EXT2: variants seen among roughly 807,000 people sequenced by gnomAD.
EXT2 encodes the protein exostosin glycosyltransferase 2, also known as exostosin-2.
A neutral mutation model predicts 81.6 loss-of-function variants in EXT2; 53 were observed. The ratio of observed to expected loss-of-function variants is 0.65; its 90% confidence interval spans 0.52 to 0.82. The LOEUF (loss-of-function observed/expected upper bound fraction) is 0.82. EXT2 is among the 40% of genes least tolerant of loss of function. The pLI, the probability that EXT2 is intolerant of heterozygous loss-of-function variation, is 0.00. For missense variants in EXT2, 774 were observed against 910.2 expected (o/e 0.85, Z 1.93); for synonymous variants, 320 against 340.0 (o/e 0.94, Z 0.65).
At chr11:44,233,561 A>G (rs138806431) in intron 11 of EXT2, among the ~76,000 whole-genome samples, 56 of 152,306 alleles carry the variant, frequency 3.7e-4, no homozygotes, top group African/African-American at 1.3e-3. Flanking sequence ...TAATTAAACA[A>G]TCATAACTTG....
chr11:44,221,246 C>T (rs1955778748), intron 10 of EXT2, among the ~76,000 whole-genome samples: 1 of 152,144 alleles, frequency 6.6e-6, no homozygotes, highest in African/African-American at 2.4e-5. Flanking sequence ...AAGAGCCCTG[C>T]AGACCTTTCC....
intron 8 of EXT2, among the ~76,000 whole-genome samples, chr11:44,183,802 G>A (rs117429156): frequency 0.034 from 5,209 of 152,170 alleles, 136 homozygotes; most frequent in Middle Eastern, 0.068. Context: ...CTGTCTGCCT[G>A]GCCTTCTTCA....
intron 6 of EXT2, among the ~76,000 whole-genome samples, chr11:44,127,907 G>T (rs1235760448): frequency 6.6e-6 from 1 of 152,194 alleles, no homozygotes; most frequent in South Asian, 2.1e-4. Context: ...ATTCTACTGG[G>T]TGTTCACCAT....
At chr11:44,225,426 A>C (rs1955828054) in intron 10 of EXT2, among the ~76,000 whole-genome samples, 1 of 152,160 alleles carries the variant, frequency 6.6e-6, no homozygotes, top group Non-Finnish European at 1.5e-5. Flanking sequence ...CCACATTCAC[A>C]AAGAGCCTGT....
At chr11:44,236,213 G>T (rs769096439) in intron 12 of EXT2, 80 bp from the exon 13 acceptor site, 4 of 1,223,362 alleles carry the variant, frequency 3.3e-6, no homozygotes, top group South Asian at 1.2e-5. Flanking sequence ...CAACACAAAA[G>T]AATGCAGTGT....
At chr11:44,161,642 A>G (rs1365267164) in intron 7 of EXT2, among the ~76,000 whole-genome samples, 3 of 152,158 alleles carry the variant, frequency 2.0e-5, no homozygotes, top group African/African-American at 7.2e-5. Flanking sequence ...CCCTTTCAGT[A>G]TGGACTGAAC....
chr11:44,119,308 T>G (rs1019287521), intron 4 of EXT2, among the ~76,000 whole-genome samples: 1 of 151,706 alleles, frequency 6.6e-6, no homozygotes, highest in African/African-American at 2.4e-5. Flanking sequence ...TACTAACGTC[T>G]GTGACTTATT....
intron 4 of EXT2, among the ~76,000 whole-genome samples, chr11:44,123,741 C>A (rs1326414389): frequency 6.6e-6 from 1 of 152,238 alleles, no homozygotes; most frequent in African/African-American, 2.4e-5. Flanking sequence ...ATTTGATATG[C>A]TCAACCTGTA....
intron 7 of EXT2, among the ~76,000 whole-genome samples, chr11:44,154,332 A>G (rs533829818): frequency 6.6e-5 from 10 of 152,074 alleles, no homozygotes; most frequent in Middle Eastern, 3.4e-3. Flanking sequence ...TCTACCTTCT[A>G]TCTCTTTGAG....
chr11:44,234,692 A>G (rs1955940869), intron 12 of EXT2, among the ~76,000 whole-genome samples: 1 of 152,190 alleles, frequency 6.6e-6, no homozygotes, highest in Non-Finnish European at 1.5e-5. Flanking sequence ...TTGCTTTTAA[A>G]TATCAATTAC....
chr11:44,107,902 C>G lies in EXT2; in HGVS notation c.190C>G (p.Arg64Gly). 1 of 1,614,164 alleles carries G rather than the reference C, an allele frequency of 6.2e-7. No individual in the cohort carries two copies. The highest frequency in any genetic ancestry group is 8.5e-7 in the Non-Finnish European group (1 of 1,180,036). Residue 64 changes from arginine (R) to glycine (G), a missense_variant, in exon 2 of 14, where the codon CGT becomes GGT. This residue lies in a region of EXT2 where 626 missense variants were observed against 670.5 expected (regional missense o/e 0.93). Transcript: ENST00000533608. ...CTGGAATGTAGAGAAGCGCAGCATC[C>G]GTGATGTGCCGGTTGTTAGGCTGCC... ...NDWNVEKRSI[R>G]DVPVVRLPAD...
At chr11:44,144,764 C>T (rs1046787678) in intron 7 of EXT2, among the ~76,000 whole-genome samples, 8 of 152,194 alleles carry the variant, frequency 5.3e-5, no homozygotes, top group Admixed American at 1.3e-4. Context: ...GACAGGAGGT[C>T]ATAACATGGG....
intron 9 of EXT2, among the ~76,000 whole-genome samples, chr11:44,198,601 C>T (rs982461440): frequency 1.3e-5 from 2 of 152,138 alleles, no homozygotes; most frequent in South Asian, 4.1e-4. Context: ...GTTTTTAATT[C>T]GGGACGCACA....
intron 1 of EXT2, among the ~76,000 whole-genome samples, chr11:44,105,931 T>C (rs942355870): frequency 1.3e-5 from 2 of 152,240 alleles, no homozygotes; most frequent in East Asian, 3.9e-4. Context: ...TTGTGGAATC[T>C]ATGCAGAGCT....
At chr11:44,137,093 T>C (rs990001001) in intron 7 of EXT2, among the ~76,000 whole-genome samples, 1 of 152,198 alleles carries the variant, frequency 6.6e-6, no homozygotes, top group African/African-American at 2.4e-5. Context: ...TAAAATAAGG[T>C]CTCATTTAAT....
chr11:44,102,416 CACACTTTTTA>C (rs1033135267), intron 1 of EXT2, among the ~76,000 whole-genome samples: 3 of 151,958 alleles, frequency 2.0e-5, no homozygotes, highest in Non-Finnish European at 4.4e-5. Flanking sequence ...AGCCTAAGAA[CACACTTTTTA>C]TTGGCTTTGC....
intron 4 of EXT2, among the ~76,000 whole-genome samples, chr11:44,118,965 A>T (rs750084213): frequency 3.3e-5 from 5 of 150,744 alleles, no homozygotes; most frequent in African/African-American, 1.2e-4. Flanking sequence ...TTTTCCTCCT[A>T]AAGTTGTTCT....
At position 44,108,138 on chromosome 11, in the gene EXT2, C is replaced by T. The variant is rs569199683; in HGVS notation, c.426C>T (p.Tyr142=). ...ELLMAISDSD[Y]YTDDINRACL... is the part of the protein sequence containing the mutation. ...TCATGGCCATCTCAGACAGTGACTA[C>T]TACACTGATGACATCAACCGGGCCT... The change falls in exon 2 of 14, where the codon TAC becomes TAT. Residue 142 remains tyrosine (Y), a synonymous_variant. Coordinates refer to ENST00000533608, the MANE Select transcript of EXT2 (RefSeq NM_207122.2). The T allele has an allele frequency of 6.2e-7, 1 of 1,614,176 alleles. No individual in the cohort carries two copies. Among genetic ancestry groups the T allele is most frequent in the Non-Finnish European group, 8.5e-7 (1 of 1,180,032 alleles).
At chr11:44,232,274 G>A (rs1489170728) in intron 10 of EXT2, 79 bp from the exon 11 acceptor site, 9 of 1,591,498 alleles carry the variant, frequency 5.7e-6, no homozygotes, top group Non-Finnish European at 7.7e-6. Flanking sequence ...GAAGTCTGTT[G>A]ATACCTGTTT....
Sources: gnomAD v4.1 joint callset for allele counts (sites outside exome capture counted in the v4.1 genomes callset) on GRCh38, gnomAD v4.1.1 for gene constraint, gnomAD v4.1.1 regional missense constraint, MANE v1.5 for transcripts, NCBI Gene and HGNC (gene_info 2026-07-23, HGNC 2026-07-21) for gene names.